The following NPAS2 variants were observed in gnomAD, a reference collection of about 807,000 sequenced individuals.
NPAS2 encodes neuronal PAS domain protein 2.
In NPAS2, 23 loss-of-function variants were observed where a neutral mutation model predicts 107.5. That is an observed-to-expected ratio of 0.21 (90% CI 0.15 to 0.30). The LOEUF (loss-of-function observed/expected upper bound fraction) is 0.30, where lower values mean the gene tolerates loss of function less well. Ranked by LOEUF, NPAS2 falls within the 10% of genes least tolerant of loss-of-function variation. NPAS2 has a pLI of 1.00. For synonymous variants in NPAS2, 403 were observed against 417.5 expected, an observed-to-expected ratio of 0.97 and a Z score of 0.42; for missense variants, 756 against 1,043.3, an observed-to-expected ratio of 0.72 and a Z score of 3.79.
rs1396755590 is a variant in NPAS2, at chr2:100,996,016, G to C, written c.*434G>C. The C allele has an allele frequency of 4.3e-6, 5 of 1,150,120 alleles. No individual in the cohort carries two copies. Among genetic ancestry groups the C allele is most frequent in the Admixed American group, 3.4e-5 (1 of 29,010 alleles). The allele number at this position is 1,150,120 out of a possible 1,614,324, so 71.2% of individuals were successfully genotyped here. On this transcript the variant is annotated 3_prime_UTR_variant, in exon 21 of 21. Coordinates refer to ENST00000335681, the MANE Select transcript of NPAS2 (RefSeq NM_002518.4). ...GAAGGACTGGGTCAGAGATCTGTTG[G>C]AGAGAGAGAATAAAGAGATTATTTT...
At chr2:100,958,391 G>T (rs1364190346) in intron 7 of NPAS2, among the ~76,000 whole-genome samples, 3 of 152,166 alleles carry the variant, frequency 2.0e-5, no homozygotes, top group African/African-American at 7.2e-5. Context: ...GCGCATGCAC[G>T]CCAGACCTCA....
chr2:100,842,081 G>GCGCGCGCGCACACGCACACACA, intron 1 of NPAS2, among the ~76,000 whole-genome samples: 2 of 148,798 alleles, frequency 1.3e-5, no homozygotes, highest in Non-Finnish European at 1.5e-5. Context: ...GCATGTACGC[G>GCGCGCGCGCACACGCACACACA]CACACACACA....
chr2:100,985,369 C>T (rs997108728), intron 16 of NPAS2: 2 of 152,740 alleles, frequency 1.3e-5, no homozygotes, highest in African/African-American at 4.8e-5. Flanking sequence ...ATCTGACAGA[C>T]ACCCTTTATT....
At chr2:100,856,456 G>A (rs1414734696) in intron 1 of NPAS2, among the ~76,000 whole-genome samples, 3 of 152,264 alleles carry the variant, frequency 2.0e-5, no homozygotes, top group East Asian at 1.9e-4. Flanking sequence ...TGTGGAAAAA[G>A]TATTCTTTGA....
chr2:100,932,153 A>G (rs1358592414), intron 3 of NPAS2, among the ~76,000 whole-genome samples: 3 of 152,250 alleles, frequency 2.0e-5, no homozygotes, highest in Admixed American at 6.5e-5. Context: ...CATATTTGAT[A>G]TTACATTTGA....
intron 15 of NPAS2, among the ~76,000 whole-genome samples, chr2:100,981,377 G>A (rs575801121): frequency 4.9e-4 from 75 of 152,290 alleles, no homozygotes; most frequent in African/African-American, 1.6e-3. Context: ...TCATAGCCCC[G>A]AAGAGCCCAG....
At chr2:100,939,995 T>C (rs536812613) in intron 5 of NPAS2, among the ~76,000 whole-genome samples, 1 of 152,276 alleles carries the variant, frequency 6.6e-6, no homozygotes, top group Admixed American at 6.5e-5. Context: ...AGCCCTCAAC[T>C]CCCTGGTGCA....
chr2:100,895,335 CCAAA>C (rs1485055248), intron 1 of NPAS2, among the ~76,000 whole-genome samples: 3 of 152,216 alleles, frequency 2.0e-5, no homozygotes, highest in Non-Finnish European at 4.4e-5. Flanking sequence ...TGTCTCACAG[CCAAA>C]CAGTGAGAAA....
chr2:100,882,410 C>T (rs1275408184), intron 1 of NPAS2, among the ~76,000 whole-genome samples: 1 of 152,300 alleles, frequency 6.6e-6, no homozygotes, highest in Admixed American at 6.5e-5. Context: ...GAGTTCGAGA[C>T]CATCCTGGCT....
chr2:100,849,793 C>T (rs560999192), intron 1 of NPAS2, among the ~76,000 whole-genome samples: 296 of 151,964 alleles, frequency 1.9e-3, no homozygotes, highest in Non-Finnish European at 3.4e-3. Context: ...ATGGACACAG[C>T]GTGGTTCTGG....
At chr2:100,893,837 G>C (rs1357761424) in intron 1 of NPAS2, among the ~76,000 whole-genome samples, 1 of 152,174 alleles carries the variant, frequency 6.6e-6, no homozygotes, top group Non-Finnish European at 1.5e-5. Context: ...TTGAGTGGTT[G>C]CAACAAAGAC....
chr2:100,848,159 C>G (rs1291680408), intron 1 of NPAS2, among the ~76,000 whole-genome samples: 2 of 152,094 alleles, frequency 1.3e-5, no homozygotes, highest in African/African-American at 4.8e-5. Flanking sequence ...TGTGGCTGGG[C>G]CTGGGAGATT....
At chr2:100,949,298 C>T (rs559839815) in intron 6 of NPAS2, 69 bp from the exon 7 acceptor site, 69 of 884,982 alleles carry the variant, frequency 7.8e-5, no homozygotes, top group South Asian at 6.1e-4. Flanking sequence ...TTCACAGAGA[C>T]GCTACTTGTT....
intron 15 of NPAS2, among the ~76,000 whole-genome samples, chr2:100,980,563 G>A (rs1345242091): frequency 2.0e-5 from 3 of 152,014 alleles, no homozygotes; most frequent in Non-Finnish European, 4.4e-5. Flanking sequence ...TCTGCCTCCC[G>A]GATTCAAGCA....
At chr2:100,991,289 G>A (rs1678117098) in intron 19 of NPAS2, among the ~76,000 whole-genome samples, 1 of 152,126 alleles carries the variant, frequency 6.6e-6, no homozygotes, top group Admixed American at 6.5e-5. Context: ...TCCCAGACAA[G>A]CAGCCCCCTC....
At chr2:100,896,510 A>G (rs72627428) in intron 1 of NPAS2, among the ~76,000 whole-genome samples, 10,275 of 152,260 alleles carry the variant, frequency 0.067, 767 homozygotes, top group East Asian at 0.35. Context: ...GATGGAGACA[A>G]AATGAGATTA....
At chr2:100,971,191 C>T (rs540783129) in intron 12 of NPAS2, 117 bp downstream of exon 12, 47 of 882,764 alleles carry the variant, frequency 5.3e-5, no homozygotes, top group Non-Finnish European at 7.8e-5. Context: ...CCAAGCTATT[C>T]AGGAGGCTGA....
chr2:100,834,826 CT>C (rs1445797476), intron 1 of NPAS2, among the ~76,000 whole-genome samples: 3 of 152,160 alleles, frequency 2.0e-5, no homozygotes, highest in African/African-American at 7.2e-5. Context: ...TCCCAAGTAG[CT>C]GGGATTACAG....
intron 7 of NPAS2, among the ~76,000 whole-genome samples, chr2:100,962,118 A>G (rs761061223): frequency 5.3e-5 from 8 of 152,174 alleles, no homozygotes; most frequent in African/African-American, 9.7e-5. Context: ...TTCATTTGCA[A>G]TAGCCTAAGC....
Sources: gnomAD v4.1 joint callset for allele counts (sites outside exome capture counted in the v4.1 genomes callset) on GRCh38, gnomAD v4.1.1 for gene constraint, MANE v1.5 for transcripts, NCBI Gene and HGNC (gene_info 2026-07-23, HGNC 2026-07-21) for gene names.